CHRNB3: variants seen among roughly 807,000 people sequenced by gnomAD.
The protein encoded by CHRNB3 is cholinergic receptor nicotinic beta 3 subunit.
In CHRNB3, 37 loss-of-function variants were observed where a neutral mutation model predicts 40.6. The observed-to-expected ratio is 0.91, with a 90% confidence interval of 0.70 to 1.20. CHRNB3 has a LOEUF of 1.20. CHRNB3 is among the 50% of genes most tolerant of loss of function. CHRNB3 has a pLI of 0.00. For synonymous variants in CHRNB3, 207 were observed against 207.1 expected, an observed-to-expected ratio of 1.00 and a Z score of 0.00; for missense variants, 505 against 551.2, an observed-to-expected ratio of 0.92 and a Z score of 0.84.
intron 3 of CHRNB3, among the ~76,000 whole-genome samples, chr8:42,723,858 G>A (rs1816260402): frequency 1.3e-5 from 2 of 152,320 alleles, no homozygotes; most frequent in South Asian, 4.1e-4. Flanking sequence ...GGCTAAGGCA[G>A]GTGGATTACC....
intron 3 of CHRNB3, among the ~76,000 whole-genome samples, chr8:42,726,970 A>G (rs188487822): frequency 1.3e-5 from 2 of 152,318 alleles, no homozygotes; most frequent in Admixed American, 6.5e-5. Context: ...TGTATATTCA[A>G]ATCAATCACA....
At position 42,732,390 on chromosome 8, in the gene CHRNB3, AGAG is replaced by A. The variant is rs1239099557; in HGVS notation, c.1087_1089del (p.Glu363del). 1.2e-6 allele frequency: 2 copies of A among 1,613,932 alleles called. No homozygotes were observed. Among genetic ancestry groups the A allele is most frequent in the Admixed American group, 1.7e-5 (1 of 59,930 alleles). ...TGGATCGCTACTCATCCCCAGAGAA[AGAG>A]GAGAGTCAACCAGTAGTGAAAGGCA... On this transcript the variant is annotated inframe_deletion, in exon 5 of 6. Transcript: ENST00000289957.
chr8:42,734,312 A>G (rs1166376125), intron 5 of CHRNB3, among the ~76,000 whole-genome samples: 2 of 150,114 alleles, frequency 1.3e-5, no homozygotes, highest in Non-Finnish European at 3.0e-5. Flanking sequence ...CAAGTTACAT[A>G]TTTTCAATTT....
chr8:42,707,638 C>T (rs1815940775), intron 1 of CHRNB3, among the ~76,000 whole-genome samples: 1 of 152,172 alleles, frequency 6.6e-6, no homozygotes, highest in South Asian at 2.1e-4. Context: ...GGACTGGATT[C>T]CTAAGCCATT....
At chr8:42,701,801 ACT>A (rs577795826) in intron 1 of CHRNB3, among the ~76,000 whole-genome samples, 2 of 152,032 alleles carry the variant, frequency 1.3e-5, no homozygotes, top group African/African-American at 2.4e-5. Context: ...CACATCTTAA[ACT>A]CTGACAGTCT....
At position 42,703,435 on chromosome 8, in the gene CHRNB3, A is replaced by AAAAAAATATATATATAT; in HGVS notation, c.53-5281_53-5280insAAAAATATATATATATA. Among the ~76,000 whole-genome samples, 53 of 47,364 alleles carry AAAAAAATATATATATAT rather than the reference A, an allele frequency of 1.1e-3. 4 individuals are homozygous for AAAAAAATATATATATAT. Among genetic ancestry groups the AAAAAAATATATATATAT allele is most frequent in the Non-Finnish European group, 2.0e-3 (43 of 21,496 alleles). 31.1% of individuals were successfully genotyped at this position (47,364 alleles called of 152,430 possible). A position where few individuals can be genotyped will look rare whatever the true frequency, so the allele number is the denominator to read the frequency against. On this transcript the variant is annotated intron_variant, in intron 1 of 5. Transcript: ENST00000289957. ...CAAGACTTCGTCTAAAAAAAAAAAA[A>AAAAAAATATATATATAT]ATATTTATATATATATATATATATA...
In CHRNB3 at chr8:42,710,408, A is replaced by G; in HGVS notation, c.223A>G (p.Met75Val). ...LVDVDEKNQLMTTNVWLKQEW... is the reference protein window; with the variant it reads ...LVDVDEKNQLVTTNVWLKQEW... The stretch of plus-strand genomic sequence containing the variant: ...TTCTTAGGATGAAAAGAATCAGCTG[A>G]TGACAACCAATGTGTGGCTCAAACA... Residue 75 changes from methionine to valine, a missense_variant, in exon 3 of 6, where the codon ATG (methionine) becomes GTG (valine). Met to Val is a conservative substitution (Grantham distance 21). Coordinates refer to ENST00000289957, the MANE Select transcript of CHRNB3 (RefSeq NM_000749.5). The G allele has an allele frequency of 6.2e-7, 1 of 1,610,638 alleles. No homozygotes were observed. The highest frequency in any genetic ancestry group is 8.5e-7 in the Non-Finnish European group (1 of 1,177,962).
At position 42,709,912 on chromosome 8, in the gene CHRNB3, G is replaced by A. The variant is rs538037984; in HGVS notation, c.205-478G>A. Among the ~76,000 whole-genome samples the A allele has an allele frequency of 6.4e-4, 98 of 152,312 alleles. 1 individual carries two copies. Among genetic ancestry groups the A allele is most frequent in the African/African-American group, 2.3e-3 (96 of 41,578 alleles). ...CTCCCAAAGTACTGGGATTATAGGT[G>A]TGAGCCACTGCACCCAGCCTACTTT... On this transcript the variant is annotated intron_variant, in intron 2 of 5. Transcript: ENST00000289957.
intron 1 of CHRNB3, among the ~76,000 whole-genome samples, chr8:42,701,119 T>C (rs1815786713): frequency 1.3e-5 from 2 of 149,838 alleles, no homozygotes; most frequent in Non-Finnish European, 1.5e-5. Context: ...TCCCAGCTAC[T>C]TGGGAGGCTG....
intron 3 of CHRNB3, chr8:42,725,439 C>T: frequency 1.7e-6 from 1 of 595,308 alleles, no homozygotes; most frequent in Non-Finnish European, 3.0e-6. Flanking sequence ...GAAGATAAAG[C>T]AGGAAATAAT....
intron 3 of CHRNB3, among the ~76,000 whole-genome samples, chr8:42,716,696 T>G (rs999091676): frequency 1.3e-5 from 2 of 152,076 alleles, no homozygotes; most frequent in African/African-American, 2.4e-5. Flanking sequence ...ACTGACATGG[T>G]GCCGTGGTGG....
intron 3 of CHRNB3, among the ~76,000 whole-genome samples, chr8:42,724,309 A>G (rs1293307131): frequency 6.6e-6 from 1 of 152,140 alleles, no homozygotes; most frequent in East Asian, 1.9e-4. Flanking sequence ...ACCTAACATA[A>G]ACACTTAATG....
intron 1 of CHRNB3, among the ~76,000 whole-genome samples, chr8:42,700,142 G>T (rs1433384429): frequency 6.6e-6 from 1 of 151,604 alleles, no homozygotes; most frequent in Non-Finnish European, 1.5e-5. Flanking sequence ...GCCTCCAGAG[G>T]AGCTGGGACT....
At chr8:42,725,126 A>AAG (rs1816286197) in intron 3 of CHRNB3, among the ~76,000 whole-genome samples, 1 of 61,818 alleles carries the variant, frequency 1.6e-5, no homozygotes, top group African/African-American at 6.4e-5. Context: ...TTTTGCTCTT[A>AAG]TTGCCCAGGC....
intron 1 of CHRNB3, chr8:42,705,875 G>A (rs763361975): frequency 2.0e-5 from 3 of 152,168 alleles, no homozygotes; most frequent in Non-Finnish European, 2.9e-5. Context: ...ATTGTTGCTC[G>A]AGTGGTTGTC....
At chr8:42,728,240 A>G (rs549711153) in intron 3 of CHRNB3, among the ~76,000 whole-genome samples, 4 of 152,326 alleles carry the variant, frequency 2.6e-5, no homozygotes, top group South Asian at 4.1e-4. Flanking sequence ...AAAAAGCACA[A>G]TGAATCTGGG....
intron 3 of CHRNB3, among the ~76,000 whole-genome samples, chr8:42,728,699 G>A (rs77259784): frequency 0.057 from 8,683 of 152,142 alleles, 321 homozygotes; most frequent in Middle Eastern, 0.11. Flanking sequence ...TGGAAATGCA[G>A]GAGGGGTTGA....
Position 42,736,662 on chromosome 8 carries a change from T to A in CHRNB3, c.*44T>A. ...ACTAAATTACACCTTAGACCTGACA[T>A]CTGGCTATCACACAGACAGAATCCA... On this transcript the variant is annotated 3_prime_UTR_variant, in exon 6 of 6. Coordinates refer to ENST00000289957, the MANE Select transcript of CHRNB3 (RefSeq NM_000749.5). 1 of 1,610,118 alleles carries A rather than the reference T, an allele frequency of 6.2e-7. No individual in the cohort carries two copies. The highest frequency in any genetic ancestry group is 1.3e-5 in the African/African-American group (1 of 74,938).
At position 42,736,751 on chromosome 8, in the gene CHRNB3, ATGGGAG is replaced by A; in HGVS notation, c.*134_*139del. 1 of 1,086,560 alleles carries A rather than the reference ATGGGAG, an allele frequency of 9.2e-7. No individual in the cohort carries two copies. The highest frequency in any genetic ancestry group is 1.4e-6 in the Non-Finnish European group (1 of 739,800). The allele number at this position is 1,086,560 out of a possible 1,614,324, so 67.3% of individuals were successfully genotyped here. ...CTTTGTGGAAATGGAACATCTCCTC[ATGGGAG>A]AAACTCTGGTAAATGTGCTCATTTG... On this transcript the variant is annotated 3_prime_UTR_variant, in exon 6 of 6. Transcript: ENST00000289957.
Sources: allele counts gnomAD v4.1 joint callset (sites outside exome capture counted in the v4.1 genomes callset), GRCh38; gene constraint gnomAD v4.1.1; transcripts MANE v1.5; gene names NCBI Gene and HGNC (gene_info 2026-07-23, HGNC 2026-07-21).